SERPINA6: variants seen among roughly 807,000 people sequenced by gnomAD.
SERPINA6 encodes serpin family A member 6, also known as corticosteroid-binding globulin.
A neutral mutation model predicts 26.4 loss-of-function variants in SERPINA6; 19 were observed. That is an observed-to-expected ratio of 0.72 (90% confidence interval 0.50 to 1.06). The LOEUF is 1.06. Among genes scored for constraint, SERPINA6 ranks in the 50% least tolerant of loss-of-function variants. SERPINA6 has a pLI of 0.00. For missense variants in SERPINA6, 473 were observed against 504.0 expected, an observed-to-expected ratio of 0.94 and a Z score of 0.59; for synonymous variants, 196 against 199.4, an observed-to-expected ratio of 0.98 and a Z score of 0.14.
At chr14:94,317,660 G>T (rs764109002) in intron 1 of SERPINA6, among the ~76,000 whole-genome samples, 14 of 152,146 alleles carry the variant, frequency 9.2e-5, no homozygotes, top group Non-Finnish European at 1.9e-4. Context: ...TGTTTAGCTG[G>T]ACTAAGTAGA....
rs1211370103 is a variant in SERPINA6, at chr14:94,306,133, A to G, written c.970T>C (p.Leu324=). 3 of 1,614,088 alleles carry G rather than the reference A, an allele frequency of 1.9e-6. No homozygotes were observed. The South Asian group carries it at 3.3e-5, about 18-fold the overall frequency. The change falls in exon 4 of 5, where the codon TTG becomes CTG. Residue 324 remains leucine (L), a synonymous_variant. Coordinates refer to ENST00000341584, the MANE Select transcript of SERPINA6 (RefSeq NM_001756.4). ...GAGAAATTTGCCTGGTTGGTGAACA[A>G]GTCTGCAATGCCCATTTCCTCCAGC... ...DVLEEMGIAD[L]FTNQANFSRI...
chr14:94,314,047 A>G lies in SERPINA6; in HGVS notation c.602T>C (p.Ile201Thr). The G allele has an allele frequency of 1.9e-6, 3 of 1,614,150 alleles. No individual in the cohort carries two copies. Among genetic ancestry groups the G allele is most frequent in the Non-Finnish European group, 2.5e-6 (3 of 1,180,030 alleles). Residue 201 changes from isoleucine to threonine, a missense_variant, in exon 2 of 5, where the codon ATC (isoleucine) becomes ACC (threonine). Coordinates refer to ENST00000341584, the MANE Select transcript of SERPINA6 (RefSeq NM_001756.4). ...ATGGGTGGGAATACCTTTGAAGAAG[A>G]TATAGTTGACCAGGACGAGGATGGC... ...SPAILVLVNY[I>T]FFKGTWTQPF...
At chr14:94,307,677 A>G (rs941985728) in intron 3 of SERPINA6, among the ~76,000 whole-genome samples, 1 of 152,192 alleles carries the variant, frequency 6.6e-6, no homozygotes, top group Non-Finnish European at 1.5e-5. Flanking sequence ...GATCCCTAGC[A>G]TCGCCCAGAC....
intron 4 of SERPINA6, among the ~76,000 whole-genome samples, chr14:94,305,453 G>A (rs1024628113): frequency 6.6e-6 from 1 of 152,154 alleles, no homozygotes; most frequent in African/African-American, 2.4e-5. Flanking sequence ...TTCTGAGAAG[G>A]CAGCTGTGTT....
In SERPINA6 at chr14:94,311,065, T is replaced by C. The variant is rs187537038; in HGVS notation, c.614-1059A>G. ...TAAGCCAGCCACAAACCTTTTGTAATAGCTACTTATGGAGACAACAGGGAG... is the reference window on the plus strand; with the variant it reads ...TAAGCCAGCCACAAACCTTTTGTAACAGCTACTTATGGAGACAACAGGGAG... On this transcript the variant is annotated intron_variant, in intron 2 of 4. Coordinates refer to ENST00000341584, the MANE Select transcript of SERPINA6 (RefSeq NM_001756.4). Among the ~76,000 whole-genome samples the C allele has an allele frequency of 1.8e-4, 28 of 152,352 alleles. No homozygotes were observed. In the East Asian group the frequency reaches 5.4e-3, roughly 29 times the overall value.
At chr14:94,305,364 A>T (rs1288513576) in intron 4 of SERPINA6, among the ~76,000 whole-genome samples, 1 of 152,226 alleles carries the variant, frequency 6.6e-6, no homozygotes, top group Non-Finnish European at 1.5e-5. Flanking sequence ...GTTATTTACT[A>T]GCTCTGTGAC....
intron 4 of SERPINA6, among the ~76,000 whole-genome samples, chr14:94,305,122 C>T (rs1895418565): frequency 6.6e-6 from 1 of 152,172 alleles, no homozygotes; most frequent in Admixed American, 6.5e-5. Flanking sequence ...TATCAAAAGA[C>T]TCTGGTAACT....
intron 4 of SERPINA6, among the ~76,000 whole-genome samples, chr14:94,304,991 C>T (rs1188749829): frequency 6.6e-6 from 1 of 152,280 alleles, no homozygotes; most frequent in Middle Eastern, 3.4e-3. Context: ...GTGCCTATGT[C>T]TGTTCTGTTT....
chr14:94,309,320 T>G (rs60474830), intron 3 of SERPINA6, among the ~76,000 whole-genome samples: 109,185 of 151,854 alleles, frequency 0.72, 39,875 homozygotes, highest in East Asian at 0.99. Flanking sequence ...TACATTTCAT[T>G]ATCATTTTCA....
At position 94,304,348 on chromosome 14, in the gene SERPINA6, T is replaced by C. The variant is rs1380644380; in HGVS notation, c.*70A>G. On this transcript the variant is annotated 3_prime_UTR_variant, in exon 5 of 5. Coordinates refer to ENST00000341584, the MANE Select transcript of SERPINA6 (RefSeq NM_001756.4). ...GGAGATTGGGGGAAACCTCCCGCTC[T>C]CCAAAACATTTCTGTGGGATCCCTG... is the stretch of plus-strand genomic sequence containing the variant. The C allele has an allele frequency of 2.6e-6, 4 of 1,510,854 alleles. No individual in the cohort carries two copies. Among genetic ancestry groups the C allele is most frequent in the Non-Finnish European group, 3.7e-6 (4 of 1,086,216 alleles). The allele number at this position is 1,510,854 out of a possible 1,614,324, so 93.6% of individuals were successfully genotyped here.
rs887800244 is a variant in SERPINA6 at position 94,307,325 on chromosome 14, T to C, written c.885-1107A>G. ...TGAGAGACCAACACTTAAGAGAGGT[T>C]GAGGAATTCCCCCAAAGTCACACAA... On this transcript the variant is annotated intron_variant, in intron 3 of 4. Coordinates refer to ENST00000341584, the MANE Select transcript of SERPINA6 (RefSeq NM_001756.4). Among the ~76,000 whole-genome samples the C allele has an allele frequency of 2.0e-5, 3 of 152,098 alleles. No individual in the cohort carries two copies. In the East Asian group the frequency reaches 5.8e-4, roughly 29 times the overall value.
chr14:94,314,503 C>CCTAGT lies in SERPINA6; in HGVS notation c.145_146insACTAG (p.Ser49AsnfsTer2). The CCTAGT allele has an allele frequency of 3.1e-6, 5 of 1,614,198 alleles. No individual in the cohort carries two copies. The highest frequency in any genetic ancestry group is 4.2e-6 in the Non-Finnish European group (5 of 1,180,036). On this transcript the variant is annotated stop_gained and frameshift_variant, in exon 2 of 5. Coordinates refer to ENST00000341584, the MANE Select transcript of SERPINA6 (RefSeq NM_001756.4). LOFTEE classifies it high-confidence loss of function. ...CAAGGCCACTAGGTGCTTATACAGG[C>CCTAGT]TGAAGGCAAAGTCAACGTTGGCTGA... is the stretch of plus-strand genomic sequence containing the variant.
In SERPINA6 at chr14:94,309,773, C is replaced by T. The variant is rs772942603; in HGVS notation, c.847G>A (p.Asp283Asn). ...MNTVIAALSR[D>N]TINRWSAGLT... ...CCTGCGGACCACCTGTTAATCGTGT[C>T]CCGGCTCAGTGCAGCGATGACTGTG... The change falls in exon 3 of 5, where the codon GAC becomes AAC. Residue 283 changes from aspartate (D) to asparagine (N), a missense_variant. Physicochemically the swap from Asp to Asn is conservative, Grantham distance 23. Transcript: ENST00000341584. The T allele has an allele frequency of 2.5e-6, 4 of 1,614,154 alleles. No individual in the cohort carries two copies. The highest frequency in any genetic ancestry group is 4.5e-5 in the East Asian group (2 of 44,870).
At chr14:94,307,582 A>G (rs957299324) in intron 3 of SERPINA6, among the ~76,000 whole-genome samples, 2 of 152,240 alleles carry the variant, frequency 1.3e-5, no homozygotes, top group Non-Finnish European at 2.9e-5. Flanking sequence ...TGTTTGCATC[A>G]TGGTGCGTTA....
Position 94,306,360 on chromosome 14 carries a change from T to G in SERPINA6, c.885-142A>C, listed in dbSNP as rs1434991087. ...GCCCTCCAGCCTGACTTGCTCTTTG[T>G]GGGTAGGAGAAGGGACAGAGCAGGA... On this transcript the variant is annotated intron_variant, in intron 3 of 4. Coordinates refer to ENST00000341584, the MANE Select transcript of SERPINA6 (RefSeq NM_001756.4). The G allele has an allele frequency of 4.6e-6, 4 of 866,176 alleles. No homozygotes were observed. In the Admixed American group the frequency reaches 8.1e-5, roughly 18 times the overall value. 53.7% of individuals were successfully genotyped at this position (866,176 alleles called of 1,614,324 possible). A position where few individuals can be genotyped will look rare whatever the true frequency, so the allele number is the denominator to read the frequency against.
At chr14:94,321,913 G>A (rs1566730384) in intron 1 of SERPINA6, among the ~76,000 whole-genome samples, 2 of 152,200 alleles carry the variant, frequency 1.3e-5, no homozygotes, top group Non-Finnish European at 2.9e-5. Flanking sequence ...CCAGCTCTGG[G>A]GAGATTGCAT....
At chr14:94,322,819 A>G (rs1895702417) in intron 1 of SERPINA6, among the ~76,000 whole-genome samples, 1 of 152,138 alleles carries the variant, frequency 6.6e-6, no homozygotes, top group South Asian at 2.1e-4. Flanking sequence ...CGTGACTCAG[A>G]AGAATACCCC....
At chr14:94,307,848 A>G (rs1022651029) in intron 3 of SERPINA6, among the ~76,000 whole-genome samples, 13 of 152,232 alleles carry the variant, frequency 8.5e-5, no homozygotes, top group African/African-American at 3.1e-4. Context: ...AGACACTTCC[A>G]TGTGCATTCA....
chr14:94,313,674 C>G (rs1473438322), intron 2 of SERPINA6, among the ~76,000 whole-genome samples: 1 of 152,118 alleles, frequency 6.6e-6, no homozygotes, highest in Non-Finnish European at 1.5e-5. Flanking sequence ...TCTGGGAGTT[C>G]CCAAGGGGCT....
Sources: gnomAD v4.1 joint callset for allele counts (sites outside exome capture counted in the v4.1 genomes callset) on GRCh38, gnomAD v4.1.1 for gene constraint, MANE v1.5 for transcripts, NCBI Gene and HGNC (gene_info 2026-07-23, HGNC 2026-07-21) for gene names.